MAN1A1: variants seen among roughly 807,000 people sequenced by gnomAD.
MAN1A1 encodes mannosyl-oligosaccharide 1,2-alpha-mannosidase IA.
A neutral mutation model predicts 70.8 loss-of-function variants in MAN1A1; 29 were observed. The observed-to-expected ratio is 0.41, with a 90% CI of 0.31 to 0.56. The LOEUF is 0.56. MAN1A1 is among the 20% of genes least tolerant of loss of function. The probability of loss-of-function intolerance (pLI) is 0.29; values close to 1 mark genes in which losing one functional copy is unlikely to be tolerated. For missense variants in MAN1A1, 747 were observed against 841.3 expected, an observed-to-expected ratio of 0.89 and a Z score of 1.39; for synonymous variants, 349 against 330.1, an observed-to-expected ratio of 1.06 and a Z score of -0.62.
intron 5 of MAN1A1, among the ~76,000 whole-genome samples, chr6:119,290,005 C>T (rs1776489705): frequency 1.3e-5 from 2 of 152,014 alleles, no homozygotes; most frequent in African/African-American, 4.8e-5. Flanking sequence ...TTAGTGGACA[C>T]TCAAACGATA....
chr6:119,311,377 C>T (rs1034719387), intron 2 of MAN1A1, among the ~76,000 whole-genome samples: 3 of 152,100 alleles, frequency 2.0e-5, no homozygotes, highest in African/African-American at 7.2e-5. Context: ...AAAATATACA[C>T]AACTATTTGG....
At chr6:119,269,245 A>G in intron 5 of MAN1A1, 1 of 275,828 alleles carries the variant, frequency 3.6e-6, no homozygotes, top group Non-Finnish European at 7.1e-6. Context: ...AATAGCAGAT[A>G]TTGGCCTTCT....
intron 5 of MAN1A1, among the ~76,000 whole-genome samples, chr6:119,265,289 T>C (rs1017456188): frequency 6.6e-6 from 1 of 151,874 alleles, no homozygotes; most frequent in Non-Finnish European, 1.5e-5. Flanking sequence ...TTTTGAGACA[T>C]GGTCTTGTTT....
At chr6:119,332,663 A>G (rs1264172550) in intron 2 of MAN1A1, among the ~76,000 whole-genome samples, 2 of 152,082 alleles carry the variant, frequency 1.3e-5, no homozygotes, top group Non-Finnish European at 2.9e-5. Context: ...CCAAAAATAC[A>G]AAAATTAGCT....
At chr6:119,240,045 G>C (rs1358849044) in intron 6 of MAN1A1, among the ~76,000 whole-genome samples, 1 of 152,122 alleles carries the variant, frequency 6.6e-6, no homozygotes, top group Non-Finnish European at 1.5e-5. Flanking sequence ...AATTTTCCTG[G>C]TGAGTTAACT....
chr6:119,256,844 T>C (rs1052981544), intron 5 of MAN1A1, among the ~76,000 whole-genome samples: 3 of 152,170 alleles, frequency 2.0e-5, no homozygotes, highest in Admixed American at 1.3e-4. Context: ...ATTTACTACA[T>C]ATTTACCAAC....
At chr6:119,278,550 T>C (rs1479771976) in intron 5 of MAN1A1, among the ~76,000 whole-genome samples, 2 of 151,696 alleles carry the variant, frequency 1.3e-5, no homozygotes, top group South Asian at 2.1e-4. Flanking sequence ...CGGTACTTAG[T>C]TTTTTTTTAA....
chr6:119,231,571 C>A (rs866378202), intron 6 of MAN1A1, among the ~76,000 whole-genome samples: 1 of 152,100 alleles, frequency 6.6e-6, no homozygotes, highest in African/African-American at 2.4e-5. Context: ...TCTAGAGAAG[C>A]CTCCTCAAGG....
chr6:119,287,693 A>G (rs1776414666), intron 5 of MAN1A1, among the ~76,000 whole-genome samples: 1 of 151,978 alleles, frequency 6.6e-6, no homozygotes, highest in Non-Finnish European at 1.5e-5. Flanking sequence ...TTTAGTATGT[A>G]TACAGATACA....
intron 2 of MAN1A1, among the ~76,000 whole-genome samples, chr6:119,326,772 G>A (rs1773157733): frequency 6.6e-6 from 1 of 152,150 alleles, no homozygotes; most frequent in African/African-American, 2.4e-5. Context: ...CTGCCTCCGT[G>A]ATTCAATTAC....
Position 119,188,501 on chromosome 6 carries a change from G to T in MAN1A1, c.1623C>A (p.Tyr541Ter). The T allele has an allele frequency of 1.9e-6, 3 of 1,613,932 alleles. No homozygotes were observed. The highest frequency in any genetic ancestry group is 2.5e-6 in the Non-Finnish European group (3 of 1,179,882). ...EAIATRQNEK[Y>*]YILRPEVMET... ...CCATAACTTCTGGCCGTAAGATGTAGTATTTTTCATTTTGTCTTGTAGCGA... is the reference window on the plus strand; with the variant it reads ...CCATAACTTCTGGCCGTAAGATGTATTATTTTTCATTTTGTCTTGTAGCGA... Residue 541 changes from tyrosine to a stop codon, truncating the protein, a stop_gained, in exon 11 of 13, where the codon TAC (tyrosine) becomes TAA (stop). Coordinates refer to ENST00000368468, the MANE Select transcript of MAN1A1 (RefSeq NM_005907.4). LOFTEE classifies it high-confidence loss of function.
intron 2 of MAN1A1, among the ~76,000 whole-genome samples, chr6:119,345,133 G>A (rs1388841118): frequency 6.8e-6 from 1 of 146,552 alleles, no homozygotes; most frequent in Non-Finnish European, 1.5e-5. Context: ...CTCCAAATTG[G>A]ATTAAGGTTC....
intron 2 of MAN1A1, among the ~76,000 whole-genome samples, chr6:119,310,583 T>A (rs1772675427): frequency 6.6e-6 from 1 of 152,050 alleles, no homozygotes; most frequent in South Asian, 2.1e-4. Flanking sequence ...ATGGATGGGA[T>A]GAGTCAACCC....
At chr6:119,180,518 C>CTTTT (rs1465957710) in intron 11 of MAN1A1, 91 bp from the exon 12 acceptor site, 2 of 696,994 alleles carry the variant, frequency 2.9e-6, no homozygotes, top group Non-Finnish European at 4.8e-6. Context: ...TCAGATAAAA[C>CTTTT]ATTTTTTTTT....
intron 5 of MAN1A1, among the ~76,000 whole-genome samples, chr6:119,281,745 A>C (rs930873549): frequency 2.6e-5 from 4 of 151,938 alleles, no homozygotes; most frequent in African/African-American, 9.7e-5. Context: ...AAAAGGGATA[A>C]AAATATTTCG....
intron 4 of MAN1A1, among the ~76,000 whole-genome samples, chr6:119,294,613 T>C (rs1054954198): frequency 6.6e-6 from 1 of 152,138 alleles, no homozygotes; most frequent in Non-Finnish European, 1.5e-5. Flanking sequence ...GTCTTTTATT[T>C]AAATTCCATG....
intron 12 of MAN1A1, 143 bp downstream of exon 12, chr6:119,180,169 G>T: frequency 1.4e-6 from 1 of 720,192 alleles, no homozygotes; most frequent in East Asian, 2.6e-5. Flanking sequence ...CCTAGTTATT[G>T]AGAATATACC....
chr6:119,208,842 C>T (rs1445945085), intron 6 of MAN1A1, among the ~76,000 whole-genome samples: 1 of 152,128 alleles, frequency 6.6e-6, no homozygotes, highest in Non-Finnish European at 1.5e-5. Flanking sequence ...TTCCAGTAAT[C>T]CCAGCACTTT....
intron 5 of MAN1A1, among the ~76,000 whole-genome samples, chr6:119,250,554 T>C (rs1284665729): frequency 1.9e-4 from 29 of 152,208 alleles, no homozygotes; most frequent in African/African-American, 4.8e-5. Context: ...TTTATGGTGA[T>C]AATGATAATG....
Sources: gnomAD v4.1 joint callset for allele counts (sites outside exome capture counted in the v4.1 genomes callset) on GRCh38, gnomAD v4.1.1 for gene constraint, MANE v1.5 for transcripts, NCBI Gene and HGNC (gene_info 2026-07-23, HGNC 2026-07-21) for gene names.